Variants in ZNF81 observed in about 807,000 individuals in gnomAD.
The protein encoded by ZNF81 is zinc finger protein 81.
Under a neutral mutation model 32.3 loss-of-function variants are expected in ZNF81, and 5 were observed. That is an observed-to-expected ratio of 0.15 (90% CI 0.08 to 0.33). The LOEUF is 0.33. Ranked by LOEUF, ZNF81 falls within the 10% of genes least tolerant of loss-of-function variation. The pLI, the probability that ZNF81 is intolerant of heterozygous loss-of-function variation, is 1.00. For missense variants in ZNF81, 379 were observed against 479.8 expected (o/e 0.79, Z 1.96); for synonymous variants, 163 against 166.8 (o/e 0.98, Z 0.17).
intron 4 of ZNF81, among the ~76,000 whole-genome samples, chrX:47,905,307 A>G (rs1325335489): frequency 9.6e-6 from 1 of 104,124 alleles, no homozygotes; most frequent in Non-Finnish European, 2.0e-5. Context: ...GCTGCTCGAG[A>G]GGCTGAGACA....
intron 2 of ZNF81, among the ~76,000 whole-genome samples, chrX:47,879,670 C>G (rs1216663084): frequency 8.9e-6 from 1 of 112,082 alleles, no homozygotes; most frequent in African/African-American, 3.2e-5. Context: ...AGTATAATTT[C>G]TAGTATAACC....
At chrX:47,840,328 G>C (rs1197891716) in intron 1 of ZNF81, among the ~76,000 whole-genome samples, 4 of 92,288 alleles carry the variant, frequency 4.3e-5, no homozygotes, top group Non-Finnish European at 8.6e-5. Context: ...TTAAACCCTA[G>C]GATAGAAGAT....
chrX:47,908,028 A>G (rs917943647), intron 4 of ZNF81, among the ~76,000 whole-genome samples: 1 of 111,732 alleles, frequency 8.9e-6, no homozygotes, highest in African/African-American at 3.2e-5. Context: ...AGAATACTTC[A>G]TATCTCATAT....
rs376878779 is a variant in ZNF81, at chrX:47,887,087, C to T, written c.55-912C>T. 2.6e-4 allele frequency among the ~76,000 whole-genome samples: 29 copies of T among 111,543 alleles called. No homozygotes were observed. The East Asian group carries it at 3.9e-3, about 15-fold the overall frequency. ...CAATTTGTTGAAAAGACTTCACTTT[C>T]GCCCATTGAATCACATTGGCACTTT... On this transcript the variant is annotated intron_variant, in intron 2 of 4. Coordinates refer to ENST00000338637, the MANE Select transcript of ZNF81 (RefSeq NM_007137.5).
At chrX:47,843,579 G>A (rs2058459394) in intron 1 of ZNF81, among the ~76,000 whole-genome samples, 1 of 111,667 alleles carries the variant, frequency 9.0e-6, no homozygotes, top group Non-Finnish European at 1.9e-5. Context: ...CTGGACTGCA[G>A]TGATGCAACT....
rs1228020069 is a variant in ZNF81 at position 47,916,939 on chromosome X, A to T, written c.*307A>T. ...AGTATTATAAGTTAAATTGTTACCA[A>T]ATTCTTTATAGGAAGGAGAGTGCAA... On this transcript the variant is annotated 3_prime_UTR_variant, in exon 5 of 5. Transcript: ENST00000338637. 1 of 274,656 alleles carries T rather than the reference A, an allele frequency of 3.6e-6. No homozygotes were observed. The highest frequency in any genetic ancestry group is 6.4e-6 in the Non-Finnish European group (1 of 156,674). 22.6% of individuals were successfully genotyped at this position (274,656 alleles called of 1,213,427 possible). A position where few individuals can be genotyped will look rare whatever the true frequency, so the allele number is the denominator to read the frequency against.
intron 2 of ZNF81, among the ~76,000 whole-genome samples, chrX:47,849,472 G>A (rs1325624416): frequency 9.0e-6 from 1 of 111,433 alleles, no homozygotes; most frequent in African/African-American, 3.3e-5. Context: ...AGGAGTTCGA[G>A]ACTAGCCTGT....
intron 2 of ZNF81, among the ~76,000 whole-genome samples, chrX:47,850,043 A>G (rs2058487437): frequency 1.8e-5 from 2 of 111,986 alleles, no homozygotes; most frequent in South Asian, 7.4e-4. Context: ...AATTGACACA[A>G]TCTCTGGGGA....
At chrX:47,907,749 A>G (rs2058725736) in intron 4 of ZNF81, among the ~76,000 whole-genome samples, 1 of 112,266 alleles carries the variant, frequency 8.9e-6, no homozygotes, top group African/African-American at 3.2e-5. Flanking sequence ...AAGGATACTA[A>G]GAAAATATTA....
In ZNF81 at chrX:47,915,664, A is replaced by C. The variant is rs2058754233; in HGVS notation, c.1018A>C (p.Ile340Leu). Residue 340 changes from isoleucine (I) to leucine (L), a missense_variant, in exon 5 of 5, where the codon ATC becomes CTC. Ile to Leu is a conservative substitution (Grantham distance 5). Around this residue, in one of 2 missense-constraint regions of ZNF81, gnomAD observed 277 missense variants for 306.6 expected, o/e 0.90. Transcript: ENST00000338637. ...YICTKCGKAF[I>L]QNSELIMHEK... Reference sequence around the variant, plus strand: ...ATGTACTAAATGTGGGAAGGCCTTCATCCAGAATTCAGAATTAATTATGCA... The same window carrying C: ...ATGTACTAAATGTGGGAAGGCCTTCCTCCAGAATTCAGAATTAATTATGCA... 7.4e-6 allele frequency: 9 copies of C among 1,208,892 alleles called. No individual in the cohort carries two copies. The highest frequency in any genetic ancestry group is 1.0e-5 in the Non-Finnish European group (9 of 894,662).
Position 47,914,963 on chromosome X carries a change from C to G in ZNF81, c.317C>G (p.Ser106Cys). The G allele has an allele frequency of 8.3e-7, 1 of 1,207,655 alleles. No individual in the cohort carries two copies. Among genetic ancestry groups the G allele is most frequent in the Non-Finnish European group, 1.1e-6 (1 of 893,856 alleles). ...FGIKPSQRRI[S>C]GKSTFHSEME... Reference sequence around the variant, plus strand: ...ATTAAGCCTTCCCAGAGGAGAATTTCTGGGAAATCTACATTTCATAGTGAA... The same window carrying G: ...ATTAAGCCTTCCCAGAGGAGAATTTGTGGGAAATCTACATTTCATAGTGAA... The change falls in exon 5 of 5, where the codon TCT (serine) becomes TGT (cysteine). Residue 106 changes from serine (S) to cysteine (C), a missense_variant. Ser to Cys is a moderately radical substitution (Grantham distance 112). Coordinates refer to ENST00000338637, the MANE Select transcript of ZNF81 (RefSeq NM_007137.5).
chrX:47,915,928 A>G lies in ZNF81; in HGVS notation c.1282A>G (p.Thr428Ala). 1 of 1,210,453 alleles carries G rather than the reference A, an allele frequency of 8.3e-7. No homozygotes were observed. Among genetic ancestry groups the G allele is most frequent in the South Asian group, 1.8e-5 (1 of 56,848 alleles). Residue 428 changes from threonine to alanine, a missense_variant, in exon 5 of 5, where the codon ACA becomes GCA. By Grantham distance (58) the Thr-to-Ala change is moderately conservative (BLOSUM62 0). This residue lies in a region of ZNF81 where 277 missense variants were observed against 306.6 expected (regional missense o/e 0.90). Transcript: ENST00000338637. ...ECGKAFTQKS[T>A]LRMHQRIHTG... ...TGGGAAAGCCTTTACCCAAAAATCA[A>G]CACTCAGGATGCATCAGAGAATTCA... is the stretch of plus-strand genomic sequence containing the variant.
At chrX:47,857,063 A>C (rs946346468) in intron 2 of ZNF81, among the ~76,000 whole-genome samples, 4 of 112,364 alleles carry the variant, frequency 3.6e-5, no homozygotes, top group Admixed American at 1.9e-4. Context: ...ACCTGAGCAG[A>C]GGGAATATAA....
rs1556891048 is a variant in ZNF81, at chrX:47,916,903, T to G, written c.*271T>G. ...TCAGTTTGGTGTGTTAGGAAAAGCC[T>G]TCCTATAGAAAGTATTATAAGTTAA... is the stretch of plus-strand genomic sequence containing the variant. On this transcript the variant is annotated 3_prime_UTR_variant, in exon 5 of 5. Coordinates refer to ENST00000338637, the MANE Select transcript of ZNF81 (RefSeq NM_007137.5). 1 of 297,457 alleles carries G rather than the reference T, an allele frequency of 3.4e-6. No homozygotes were observed. The highest frequency in any genetic ancestry group is 5.8e-6 in the Non-Finnish European group (1 of 171,754). The allele number at this position is 297,457 out of a possible 1,213,427, so 24.5% of individuals were successfully genotyped here. A position where few individuals can be genotyped will look rare whatever the true frequency, so the allele number is the denominator to read the frequency against.
At position 47,894,284 on chromosome X, in the gene ZNF81, G is replaced by A. The variant is rs781990840; in HGVS notation, c.182-1561G>A. 5.4e-5 allele frequency among the ~76,000 whole-genome samples: 6 copies of A among 111,366 alleles called. No homozygotes were observed. The East Asian group carries it at 1.7e-3, about 32-fold the overall frequency. On this transcript the variant is annotated intron_variant, in intron 3 of 4. Coordinates refer to ENST00000338637, the MANE Select transcript of ZNF81 (RefSeq NM_007137.5). ...GAGGGTGATCAAATATTACGTGGGG[G>A]ATAGTACAAGATGAGGAATTTGATC... is the stretch of plus-strand genomic sequence containing the variant.
Position 47,910,526 on chromosome X carries a change from C to A in ZNF81, c.278-4398C>A, listed in dbSNP as rs187916572. Reference sequence around the variant, plus strand: ...GCCATCAGAGAAATGCAAATCAAAACCACAATGAGATAACATCTCACACCA... The same window carrying A: ...GCCATCAGAGAAATGCAAATCAAAAACACAATGAGATAACATCTCACACCA... On this transcript the variant is annotated intron_variant, in intron 4 of 4. Transcript: ENST00000338637. Among the ~76,000 whole-genome samples the A allele has an allele frequency of 9.8e-3, 1,098 of 111,915 alleles. 13 individuals carry two copies. Among genetic ancestry groups the A allele is most frequent in the African/African-American group, 0.034 (1,047 of 30,814 alleles).
At chrX:47,902,365 T>C (rs2058701643) in intron 4 of ZNF81, among the ~76,000 whole-genome samples, 1 of 112,080 alleles carries the variant, frequency 8.9e-6, no homozygotes, top group African/African-American at 3.2e-5. Flanking sequence ...GTTGGAGATT[T>C]TAACACACCT....
At chrX:47,878,328 G>A (rs1337056220) in intron 2 of ZNF81, among the ~76,000 whole-genome samples, 4 of 112,320 alleles carry the variant, frequency 3.6e-5, no homozygotes, top group Non-Finnish European at 7.5e-5. Flanking sequence ...GGTAGAAGGG[G>A]ACAGAGGGAC....
chrX:47,900,277 G>A (rs2058694002), intron 4 of ZNF81, among the ~76,000 whole-genome samples: 1 of 111,154 alleles, frequency 9.0e-6, no homozygotes. Flanking sequence ...GGAACAGAAG[G>A]GAAAGACTAA....
Sources: allele counts gnomAD v4.1 joint callset (sites outside exome capture counted in the v4.1 genomes callset), GRCh38; gene constraint gnomAD v4.1.1; regional missense constraint gnomAD v4.1.1; transcripts MANE v1.5; gene names NCBI Gene and HGNC (gene_info 2026-07-23, HGNC 2026-07-21).